IQCM: variants seen among roughly 807,000 people sequenced by gnomAD.
IQCM encodes IQ domain-containing protein M.
In IQCM, 45 loss-of-function variants were observed where a neutral mutation model predicts 57.6. That is an observed-to-expected ratio of 0.78 (90% CI 0.62 to 1.00). IQCM has a LOEUF of 1.00. Among genes scored for constraint, IQCM ranks in the 50% least tolerant of loss-of-function variants. IQCM has a pLI of 0.00. For synonymous variants in IQCM, 148 were observed against 158.9 expected (o/e 0.93, Z 0.51); for missense variants, 468 against 511.6 (o/e 0.91, Z 0.82).
intron 12 of IQCM, among the ~76,000 whole-genome samples, chr4:149,487,215 G>T (rs550194322): frequency 6.6e-6 from 1 of 152,104 alleles, no homozygotes; most frequent in Non-Finnish European, 1.5e-5. Context: ...GGTGTGGCTA[G>T]AAATGACATC....
chr4:149,412,584 T>C (rs1003784737), intron 13 of IQCM, among the ~76,000 whole-genome samples: 4 of 152,136 alleles, frequency 2.6e-5, no homozygotes, highest in African/African-American at 9.7e-5. Flanking sequence ...AGCAGTAACA[T>C]GTGAGGTGCT....
chr4:149,703,019 G>T (rs955099574), intron 5 of IQCM, among the ~76,000 whole-genome samples: 1 of 151,876 alleles, frequency 6.6e-6, no homozygotes, highest in Non-Finnish European at 1.5e-5. Context: ...CAAAATGCAC[G>T]TAAGAAAAGC....
At chr4:149,516,349 C>G (rs1329245298) in intron 12 of IQCM, among the ~76,000 whole-genome samples, 1 of 152,194 alleles carries the variant, frequency 6.6e-6, no homozygotes, top group Non-Finnish European at 1.5e-5. Flanking sequence ...CACAGAGTGC[C>G]TTACAACCAT....
chr4:149,383,330 A>G (rs538456547), intron 13 of IQCM, among the ~76,000 whole-genome samples: 1 of 152,294 alleles, frequency 6.6e-6, no homozygotes, highest in South Asian at 2.1e-4. Context: ...ATCATGTTTG[A>G]AATCATAAGT....
intron 7 of IQCM, among the ~76,000 whole-genome samples, chr4:149,670,018 T>G (rs1214140190): frequency 6.6e-6 from 1 of 152,174 alleles, no homozygotes; most frequent in African/African-American, 2.4e-5. Flanking sequence ...TTGAAGAAAG[T>G]CATTGGTAGC....
intron 12 of IQCM, among the ~76,000 whole-genome samples, chr4:149,442,735 T>A (rs775653978): frequency 6.6e-6 from 1 of 152,036 alleles, no homozygotes; most frequent in Non-Finnish European, 1.5e-5. Context: ...CACTTCTTTC[T>A]GAGTCCTTAT....
chr4:149,731,829 CA>C (rs1239108824), intron 5 of IQCM, among the ~76,000 whole-genome samples: 1 of 152,000 alleles, frequency 6.6e-6, no homozygotes, highest in East Asian at 1.9e-4. Context: ...TATTGATAAT[CA>C]ATACGAATCT....
chr4:149,785,981 T>C (rs1320430724), intron 2 of IQCM, among the ~76,000 whole-genome samples: 2 of 152,204 alleles, frequency 1.3e-5, no homozygotes, highest in Non-Finnish European at 2.9e-5. Flanking sequence ...TTTGATTCTG[T>C]TAAATTTAAG....
chr4:149,792,653 C>T (rs1772745780), intron 2 of IQCM, among the ~76,000 whole-genome samples: 1 of 152,146 alleles, frequency 6.6e-6, no homozygotes, highest in Non-Finnish European at 1.5e-5. Flanking sequence ...CTACTTTTGT[C>T]TTTGGCCCAT....
chr4:149,412,482 G>A (rs1733457873), intron 13 of IQCM, among the ~76,000 whole-genome samples: 1 of 152,054 alleles, frequency 6.6e-6, no homozygotes, highest in Non-Finnish European at 1.5e-5. Context: ...TTGCCTTACT[G>A]TTGGTTATAA....
chr4:149,371,349 A>G (rs901679899), intron 13 of IQCM, among the ~76,000 whole-genome samples: 1 of 152,168 alleles, frequency 6.6e-6, no homozygotes, highest in African/African-American at 2.4e-5. Flanking sequence ...GGAAACAAAT[A>G]ATAAAGATTT....
intron 13 of IQCM, among the ~76,000 whole-genome samples, chr4:149,391,809 T>G (rs1397844030): frequency 2.6e-5 from 4 of 152,050 alleles, no homozygotes; most frequent in Non-Finnish European, 1.5e-5. Context: ...TGTTGATTTC[T>G]AATTTAATTA....
chr4:149,530,778 C>A (rs1157742775), intron 12 of IQCM, among the ~76,000 whole-genome samples: 1 of 119,502 alleles, frequency 8.4e-6, no homozygotes, highest in African/African-American at 3.1e-5. Context: ...CCTGCATACT[C>A]AGACACAGAC....
At chr4:149,451,522 G>T (rs1311087447) in intron 12 of IQCM, among the ~76,000 whole-genome samples, 1 of 151,584 alleles carries the variant, frequency 6.6e-6, no homozygotes, top group East Asian at 1.9e-4. Context: ...TTATGAGTAA[G>T]TAAGGTTTAT....
intron 2 of IQCM, among the ~76,000 whole-genome samples, chr4:149,784,497 GCTCCGC>G (rs1201131695): frequency 4.6e-5 from 7 of 152,128 alleles, no homozygotes; most frequent in African/African-American, 1.7e-4. Flanking sequence ...CTCACTGCAA[GCTCCGC>G]CTCCCGGGTT....
chr4:149,413,049 T>TA (rs1182637810), intron 13 of IQCM, among the ~76,000 whole-genome samples: 1 of 152,158 alleles, frequency 6.6e-6, no homozygotes, highest in African/African-American at 2.4e-5. Flanking sequence ...TCCCCCAGTA[T>TA]ACTCATATTT....
At chr4:149,648,807 T>C (rs969279399) in intron 7 of IQCM, among the ~76,000 whole-genome samples, 3 of 151,596 alleles carry the variant, frequency 2.0e-5, no homozygotes, top group African/African-American at 7.3e-5. Context: ...AAATGACGAG[T>C]TAATGGATGC....
chr4:149,732,314 C>T (rs976096147), intron 5 of IQCM, among the ~76,000 whole-genome samples: 3 of 152,090 alleles, frequency 2.0e-5, no homozygotes, highest in Non-Finnish European at 2.9e-5. Context: ...TTTGTTCCTG[C>T]GACTCAGAAT....
At chr4:149,747,519 C>A (rs1768038220) in intron 2 of IQCM, among the ~76,000 whole-genome samples, 1 of 152,154 alleles carries the variant, frequency 6.6e-6, no homozygotes, top group Admixed American at 6.6e-5. Flanking sequence ...ACATTCAGTA[C>A]AGACACAATT....
Sources: gnomAD v4.1 joint callset for allele counts (sites outside exome capture counted in the v4.1 genomes callset) on GRCh38, gnomAD v4.1.1 for gene constraint, MANE v1.5 for transcripts, NCBI Gene and HGNC (gene_info 2026-07-23, HGNC 2026-07-21) for gene names.